The following PUDP variants were observed in gnomAD, a reference collection of about 807,000 sequenced individuals.
PUDP encodes the protein pseudouridine-5'-phosphatase.
A neutral mutation model predicts 9.4 loss-of-function variants in PUDP; 8 were observed. That is an observed-to-expected ratio of 0.85 (90% confidence interval 0.50 to 1.53). PUDP has a LOEUF of 1.53. PUDP is among the 40% of genes most tolerant of loss of function. The pLI, the probability that PUDP is intolerant of heterozygous loss-of-function variation, is 0.00. For missense variants in PUDP, 188 were observed against 189.7 expected (o/e 0.99, Z 0.05); for synonymous variants, 99 against 80.7 (o/e 1.23, Z -1.22).
intron 1 of PUDP, among the ~76,000 whole-genome samples, chrX:6,714,999 G>A (rs1924583877): frequency 1.8e-5 from 2 of 109,738 alleles, no homozygotes; most frequent in Admixed American, 2.0e-4. Flanking sequence ...ATATATGTGT[G>A]TGTGTGTGTG....
intron 2 of PUDP, among the ~76,000 whole-genome samples, chrX:7,088,755 C>T (rs1931338363): frequency 8.9e-6 from 1 of 111,991 alleles, no homozygotes; most frequent in Non-Finnish European, 1.9e-5. Context: ...CCCCTGATCC[C>T]TTTTTTAAAT....
intron 3 of PUDP, among the ~76,000 whole-genome samples, chrX:6,939,296 G>T (rs1220138463): frequency 9.4e-6 from 1 of 106,272 alleles, no homozygotes; most frequent in African/African-American, 3.4e-5. Flanking sequence ...TTATTTATTA[G>T]ATTTATTATT....
At chrX:6,907,452 CAT>C (rs1417007841) in intron 3 of PUDP, among the ~76,000 whole-genome samples, 1 of 112,036 alleles carries the variant, frequency 8.9e-6, no homozygotes, top group Non-Finnish European at 1.9e-5. Flanking sequence ...TCTGTCCCCA[CAT>C]GTGTCCATCA....
chrX:6,939,861 AAGAAAAGAAAAAGAAG>A (rs1407043146), intron 3 of PUDP, among the ~76,000 whole-genome samples: 2 of 111,230 alleles, frequency 1.8e-5, no homozygotes, highest in Non-Finnish European at 3.8e-5. Flanking sequence ...AAAAAAAGAA[AAGAAAAGAAAAAGAAG>A]AGAAAAGAAA....
At chrX:6,848,442 C>A (rs1274722143) in intron 3 of PUDP, among the ~76,000 whole-genome samples, 1 of 112,267 alleles carries the variant, frequency 8.9e-6, no homozygotes, top group African/African-American at 3.2e-5. Flanking sequence ...ACTAATATTA[C>A]GGATTTTATC....
At chrX:6,733,121 C>T (rs886601923) in intron 3 of PUDP, among the ~76,000 whole-genome samples, 1 of 112,286 alleles carries the variant, frequency 8.9e-6, no homozygotes, top group Non-Finnish European at 1.9e-5. Flanking sequence ...CATCCACTTA[C>T]GCTTGAAGCC....
intron 3 of PUDP, among the ~76,000 whole-genome samples, chrX:6,850,822 T>C (rs1330860319): frequency 7.1e-5 from 8 of 112,003 alleles, no homozygotes; most frequent in African/African-American, 2.6e-4. Flanking sequence ...TCTGGAGACA[T>C]ATACAGAAAC....
At chrX:6,882,630 G>A (rs1718239834) in intron 3 of PUDP, among the ~76,000 whole-genome samples, 1 of 111,828 alleles carries the variant, frequency 8.9e-6, no homozygotes, top group Non-Finnish European at 1.9e-5. Context: ...GAGTAGTCAT[G>A]AGCGGTGGTT....
intron 3 of PUDP, among the ~76,000 whole-genome samples, chrX:6,737,056 G>C (rs191494883): frequency 9.0e-6 from 1 of 111,182 alleles, no homozygotes; most frequent in East Asian, 2.8e-4. Context: ...CACAGAGGAC[G>C]AGACAATGTA....
intron 1 of PUDP, among the ~76,000 whole-genome samples, chrX:7,038,984 T>C (rs374088277): frequency 2.7e-5 from 3 of 111,445 alleles, no homozygotes; most frequent in East Asian, 5.6e-4. Flanking sequence ...GGCTGGAGTA[T>C]AGTGGCACAA....
At chrX:6,893,499 TA>T (rs1273507980) in intron 3 of PUDP, among the ~76,000 whole-genome samples, 2 of 111,799 alleles carry the variant, frequency 1.8e-5, no homozygotes, top group African/African-American at 6.5e-5. Context: ...AAGGGACCAT[TA>T]TGAGTCCTTC....
intron 3 of PUDP, among the ~76,000 whole-genome samples, chrX:6,757,277 T>C (rs765073679): frequency 1.8e-5 from 2 of 111,084 alleles, no homozygotes; most frequent in Admixed American, 9.6e-5. Context: ...ATTAATATAG[T>C]GAACATATTT....
intron 2 of PUDP, among the ~76,000 whole-genome samples, chrX:6,706,033 A>T (rs1924465631): frequency 8.9e-6 from 1 of 112,620 alleles, no homozygotes; most frequent in South Asian, 3.6e-4. Flanking sequence ...AGGACATCAC[A>T]CCATGTGAAC....
chrX:6,918,889 A>G (rs761966137), intron 3 of PUDP, among the ~76,000 whole-genome samples: 12 of 112,515 alleles, frequency 1.1e-4, no homozygotes, highest in Non-Finnish European at 9.4e-5. Context: ...CAATCCTACA[A>G]TGTAAATCTT....
At chrX:6,745,739 G>A (rs1185270214) in intron 3 of PUDP, among the ~76,000 whole-genome samples, 1 of 111,633 alleles carries the variant, frequency 9.0e-6, no homozygotes, top group Non-Finnish European at 1.9e-5. Context: ...GAATTCCTGG[G>A]CATGAGCAAT....
At chrX:6,934,517 G>A (rs1206827996) in intron 3 of PUDP, among the ~76,000 whole-genome samples, 17 of 109,936 alleles carry the variant, frequency 1.5e-4, no homozygotes, top group Middle Eastern at 4.7e-3. Flanking sequence ...GGTACCAGCC[G>A]CTGCAAAATC....
intron 1 of PUDP, among the ~76,000 whole-genome samples, chrX:6,991,900 A>C (rs1945812181): frequency 9.0e-6 from 1 of 111,244 alleles, no homozygotes; most frequent in Admixed American, 9.6e-5. Context: ...GACAAAGTGA[A>C]AATATTTGGC....
At chrX:6,916,432 A>G (rs1284004543) in intron 3 of PUDP, among the ~76,000 whole-genome samples, 3 of 94,572 alleles carry the variant, frequency 3.2e-5, no homozygotes, top group Non-Finnish European at 6.2e-5. Flanking sequence ...TTTTGCAATT[A>G]TGAGTAGTCA....
At chrX:7,061,183 C>T in intron 3 of PUDP, among the ~76,000 whole-genome samples, 1 of 111,478 alleles carries the variant, frequency 9.0e-6, no homozygotes, top group Non-Finnish European at 1.9e-5. Flanking sequence ...TGACACAGTA[C>T]TTGTCTGATA....
Sources: gnomAD v4.1 joint callset for allele counts (sites outside exome capture counted in the v4.1 genomes callset) on GRCh38, gnomAD v4.1.1 for gene constraint, MANE v1.5 for transcripts, NCBI Gene and HGNC (gene_info 2026-07-23, HGNC 2026-07-21) for gene names.